STIL: variants seen among roughly 807,000 people sequenced by gnomAD.
STIL encodes the protein SCL-interrupting locus protein.
A neutral mutation model predicts 110.1 loss-of-function variants in STIL; 55 were observed. That is an observed-to-expected ratio of 0.50 (90% confidence interval 0.40 to 0.63). The LOEUF is 0.63. STIL is among the 20% of genes least tolerant of loss of function. The pLI, the probability that STIL is intolerant of heterozygous loss-of-function variation, is 0.00. For missense variants in STIL, 1,358 were observed against 1,530.0 expected (o/e 0.89, Z 1.87); for synonymous variants, 481 against 530.0 (o/e 0.91, Z 1.27).
At position 47,279,282 on chromosome 1, in the gene STIL, C is replaced by CAA. The variant is rs11325942; in HGVS notation, c.2217+957_2217+958dup. On this transcript the variant is annotated intron_variant, in intron 12 of 16. Transcript: ENST00000371877. ...TGGGCGACAGAGAAATACTCCGTCT[C>CAA]AAAAAAAAAAAAAAAAAATCATACG... 5.6e-5 allele frequency among the ~76,000 whole-genome samples: 6 copies of CAA among 107,112 alleles called. No individual in the cohort carries two copies. In the South Asian group the frequency reaches 8.7e-4, roughly 16 times the overall value. 70.3% of individuals were successfully genotyped at this position (107,112 alleles called of 152,430 possible). A position where few individuals can be genotyped will look rare whatever the true frequency, so the allele number is the denominator to read the frequency against.
Position 47,251,240 on chromosome 1 carries a change from C to T in STIL, c.3763G>A (p.Glu1255Lys). Residue 1255 changes from glutamate to lysine, a missense_variant, in exon 17 of 17, where the codon GAA becomes AAA. Coordinates refer to ENST00000371877, the MANE Select transcript of STIL (RefSeq NM_001048166.1). Reference protein sequence around the residue: ...ENEGDITIFPESLQPSETLKQ... With the variant: ...ENEGDITIFPKSLQPSETLKQ... Reference sequence around the variant, plus strand: ...AGCGTTTCAGAAGGTTGCAAACTTTCAGGAAAAATTGTAATGTCCCCTTCA... The same window carrying T: ...AGCGTTTCAGAAGGTTGCAAACTTTTAGGAAAAATTGTAATGTCCCCTTCA... 6.2e-7 allele frequency: 1 copy of T among 1,611,080 alleles called. No homozygotes were observed. The highest frequency in any genetic ancestry group is 1.1e-5 in the South Asian group (1 of 90,648).
At chr1:47,313,636 G>A (rs1432635150) in intron 1 of STIL, among the ~76,000 whole-genome samples, 2 of 152,094 alleles carry the variant, frequency 1.3e-5, no homozygotes, top group African/African-American at 4.8e-5. Context: ...GTACTCACAC[G>A]CATAGCATTC....
intron 1 of STIL, among the ~76,000 whole-genome samples, chr1:47,312,294 T>C (rs920590504): frequency 2.0e-5 from 3 of 151,640 alleles, no homozygotes; most frequent in Admixed American, 6.6e-5. Context: ...ATCGAGACCA[T>C]CCTGGCTAAC....
At chr1:47,255,888 C>T (rs959990065) in intron 16 of STIL, among the ~76,000 whole-genome samples, 8 of 152,164 alleles carry the variant, frequency 5.3e-5, no homozygotes, top group African/African-American at 1.4e-4. Context: ...GCAGGTCTTC[C>T]TTCCCCTGCC....
intron 12 of STIL, among the ~76,000 whole-genome samples, chr1:47,278,302 T>A (rs6671649): frequency 6.6e-6 from 1 of 152,094 alleles, no homozygotes; most frequent in African/African-American, 2.4e-5. Flanking sequence ...AAGGGAGTTC[T>A]ATATATACTT....
At chr1:47,254,024 C>A (rs1309486747) in intron 16 of STIL, among the ~76,000 whole-genome samples, 1 of 151,364 alleles carries the variant, frequency 6.6e-6, no homozygotes, top group Non-Finnish European at 1.5e-5. Flanking sequence ...ACTAAAAATA[C>A]AAAAAAATTA....
Position 47,260,457 on chromosome 1 carries a change from C to T in STIL, c.2912G>A (p.Cys971Tyr). 1 of 1,614,148 alleles carries T rather than the reference C, an allele frequency of 6.2e-7. No homozygotes were observed. The highest frequency in any genetic ancestry group is 8.5e-7 in the Non-Finnish European group (1 of 1,180,030). Residue 971 changes from cysteine to tyrosine, a missense_variant, in exon 16 of 17, where the codon TGC (cysteine) becomes TAC (tyrosine). Transcript: ENST00000371877. ...STKAVIISHE[C>Y]TRTQNVYHTK... ...ATGGTAAACGTTTTGGGTTCTGGTG[C>T]ATTCATGACTGATAATTACTGCTTT... is the stretch of plus-strand genomic sequence containing the variant.
In STIL at chr1:47,280,369, G is replaced by A; in HGVS notation, c.2089C>T (p.Pro697Ser). Reference sequence around the variant, plus strand: ...TGCATGCACACTGTGCAAGGCTGTGGGTTACATAAGTCCATATGTGAAGGC... The same window carrying A: ...TGCATGCACACTGTGCAAGGCTGTGAGTTACATAAGTCCATATGTGAAGGC... ...RPPSHMDLCNPQPCTVCMHTP... is the reference protein window; with the variant it reads ...RPPSHMDLCNSQPCTVCMHTP... The change falls in exon 12 of 17, where the codon CCA becomes TCA. Residue 697 changes from proline to serine, a missense_variant. Physicochemically the swap from Pro to Ser is moderately conservative, Grantham distance 74. Coordinates refer to ENST00000371877, the MANE Select transcript of STIL (RefSeq NM_001048166.1). 6.2e-7 allele frequency: 1 copy of A among 1,614,184 alleles called. No individual in the cohort carries two copies. The highest frequency in any genetic ancestry group is 8.5e-7 in the Non-Finnish European group (1 of 1,180,040).
chr1:47,298,138 G>A (rs548394203), intron 6 of STIL, among the ~76,000 whole-genome samples: 13 of 152,188 alleles, frequency 8.5e-5, no homozygotes, highest in Non-Finnish European at 1.8e-4. Flanking sequence ...TGGTTCTGAA[G>A]AGGTATTTTT....
Position 47,260,482 on chromosome 1 carries a change from T to C in STIL, c.2887A>G (p.Lys963Glu). ...SSKETEQPSTKAVIISHECTR... is the reference protein window; with the variant it reads ...SSKETEQPSTEAVIISHECTR... ...CATTCATGACTGATAATTACTGCTT[T>C]GGTAGACGGCTGCTCAGTTTCCTTG... Residue 963 changes from lysine (K) to glutamate (E), a missense_variant, in exon 16 of 17, where the codon AAA becomes GAA. By Grantham distance (56) the Lys-to-Glu change is moderately conservative. Transcript: ENST00000371877. The C allele has an allele frequency of 6.2e-7, 1 of 1,614,202 alleles. No individual in the cohort carries two copies. The highest frequency in any genetic ancestry group is 8.5e-7 in the Non-Finnish European group (1 of 1,180,032).
chr1:47,280,940 T>A lies in STIL; in HGVS notation c.1518A>T (p.Arg506Ser). 6.2e-7 allele frequency: 1 copy of A among 1,614,098 alleles called. No individual in the cohort carries two copies. The highest frequency in any genetic ancestry group is 8.5e-7 in the Non-Finnish European group (1 of 1,180,006). Residue 506 changes from arginine (R) to serine (S), a missense_variant, in exon 12 of 17, where the codon AGA becomes AGT. Coordinates refer to ENST00000371877, the MANE Select transcript of STIL (RefSeq NM_001048166.1). The part of the protein sequence containing the change: ...KPALLRHCKV[R>S]QPPAYKKGNP... ...TCCCTTTCTTATAGGCAGGTGGCTG[T>A]CTTACTTTGCAGTGTCTCAAAAGAG...
chr1:47,265,237 CAAAAAAA>C (rs61666574), intron 14 of STIL, among the ~76,000 whole-genome samples: 19 of 51,656 alleles, frequency 3.7e-4, no homozygotes, highest in South Asian at 9.2e-4. Context: ...CTCCATCTCC[CAAAAAAA>C]AAAAAAAAAA....
chr1:47,287,793 TA>T, intron 9 of STIL, 133 bp from the exon 10 acceptor site: 2 of 719,220 alleles, frequency 2.8e-6, no homozygotes, highest in Non-Finnish European at 4.9e-6. Context: ...CCCTCTTTTG[TA>T]AACTGTCCAG....
At position 47,271,669 on chromosome 1, in the gene STIL, G is replaced by A. The variant is rs755767160; in HGVS notation, c.2383+407C>T. Among the ~76,000 whole-genome samples the A allele has an allele frequency of 6.6e-5, 10 of 151,636 alleles. No individual in the cohort carries two copies. The East Asian group carries it at 7.7e-4, about 12-fold the overall frequency. On this transcript the variant is annotated intron_variant, in intron 13 of 16. Coordinates refer to ENST00000371877, the MANE Select transcript of STIL (RefSeq NM_001048166.1). ...AATACAAACAAGACTGGCTGGACGC[G>A]GTGGCTCACGCCTGTAATCCCAACA...
chr1:47,302,129 C>T (rs2149203597), intron 4 of STIL, 105 bp downstream of exon 4: 1 of 812,468 alleles, frequency 1.2e-6, no homozygotes, highest in South Asian at 1.4e-5. Flanking sequence ...CTATGTTATG[C>T]AAGCTGGTCT....
intron 14 of STIL, among the ~76,000 whole-genome samples, chr1:47,268,598 T>C (rs1644723559): frequency 6.6e-6 from 1 of 150,726 alleles, no homozygotes; most frequent in Non-Finnish European, 1.5e-5. Flanking sequence ...CTAAAAAAAA[T>C]ACAAACAAAA....
chr1:47,285,995 G>A (rs777747348), intron 10 of STIL, among the ~76,000 whole-genome samples: 9 of 150,928 alleles, frequency 6.0e-5, no homozygotes, highest in East Asian at 4.0e-4. Context: ...CCACTTCAGC[G>A]TACCGAGTAG....
At chr1:47,282,886 G>A (rs1227672904) in intron 10 of STIL, 1 of 162,600 alleles carries the variant, frequency 6.2e-6, no homozygotes, top group Non-Finnish European at 1.3e-5. Context: ...ATTTTCCTAT[G>A]TACTTATATC....
intron 6 of STIL, among the ~76,000 whole-genome samples, chr1:47,296,283 A>T (rs1645639934): frequency 6.6e-6 from 1 of 152,210 alleles, no homozygotes; most frequent in Admixed American, 6.5e-5. Context: ...TAAGTGAAGG[A>T]GACTGAATTA....
Sources: allele counts gnomAD v4.1 joint callset (sites outside exome capture counted in the v4.1 genomes callset), GRCh38; gene constraint gnomAD v4.1.1; transcripts MANE v1.5; gene names NCBI Gene and HGNC (gene_info 2026-07-23, HGNC 2026-07-21).